Variants in EXOC4 observed in about 807,000 individuals in gnomAD.
EXOC4 encodes the protein exocyst complex component 4, also known as SEC8-like 1.
A neutral mutation model predicts 107.2 loss-of-function variants in EXOC4; 71 were observed. The ratio of observed to expected loss-of-function variants is 0.66; its 90% confidence interval spans 0.55 to 0.81. The LOEUF (loss-of-function observed/expected upper bound fraction) is 0.81. Ranked by LOEUF, EXOC4 falls within the 30% of genes least tolerant of loss-of-function variation. The pLI, the probability that EXOC4 is intolerant of heterozygous loss-of-function variation, is 0.00. For missense variants in EXOC4, 1,108 were observed against 1,189.6 expected, an observed-to-expected ratio of 0.93 and a Z score of 1.01; for synonymous variants, 456 against 441.2, an observed-to-expected ratio of 1.03 and a Z score of -0.42.
chr7:134,059,275 G>C (rs1336361004), intron 17 of EXOC4, among the ~76,000 whole-genome samples: 2 of 152,176 alleles, frequency 1.3e-5, no homozygotes, highest in Non-Finnish European at 2.9e-5. Flanking sequence ...CACTTTCAGA[G>C]ATGCAGTACT....
chr7:133,445,555 A>G (rs1798199065), intron 7 of EXOC4, among the ~76,000 whole-genome samples: 1 of 152,178 alleles, frequency 6.6e-6, no homozygotes, highest in South Asian at 2.1e-4. Flanking sequence ...GGGAAGTTAC[A>G]AAATAAAATA....
chr7:133,341,008 TTTG>T (rs1195763466), intron 5 of EXOC4, among the ~76,000 whole-genome samples: 2 of 152,130 alleles, frequency 1.3e-5, no homozygotes, highest in African/African-American at 2.4e-5. Flanking sequence ...TTTATTTATT[TTTG>T]TTGTTGTTTG....
chr7:133,859,306 T>C (rs1314513510), intron 11 of EXOC4, among the ~76,000 whole-genome samples: 1 of 152,172 alleles, frequency 6.6e-6, no homozygotes, highest in East Asian at 1.9e-4. Context: ...CTCTTCCCAC[T>C]ACCTCACCCA....
At chr7:133,696,920 A>G (rs1288870472) in intron 10 of EXOC4, among the ~76,000 whole-genome samples, 2 of 152,190 alleles carry the variant, frequency 1.3e-5, no homozygotes, top group East Asian at 1.9e-4. Flanking sequence ...CAATTAGTCA[A>G]TCATGTGCAA....
chr7:134,012,490 C>T (rs1794793822), intron 17 of EXOC4, among the ~76,000 whole-genome samples: 1 of 152,150 alleles, frequency 6.6e-6, no homozygotes, highest in African/African-American at 2.4e-5. Context: ...TTTTTATTTA[C>T]TGTAATGAAA....
chr7:133,917,010 C>T (rs188688903), intron 12 of EXOC4, among the ~76,000 whole-genome samples: 2 of 152,244 alleles, frequency 1.3e-5, no homozygotes, highest in African/African-American at 4.8e-5. Context: ...AGTCAGAGCC[C>T]ACTGGAGATG....
chr7:134,004,952 G>T lies in EXOC4; in HGVS notation c.2389G>T (p.Gly797Trp). 6.2e-7 allele frequency: 1 copy of T among 1,613,416 alleles called. No homozygotes were observed. The highest frequency in any genetic ancestry group is 8.5e-7 in the Non-Finnish European group (1 of 1,179,548). The change falls in exon 16 of 18, where the codon GGG becomes TGG. Residue 797 changes from glycine (G) to tryptophan (W), a missense_variant. Coordinates refer to ENST00000253861, the MANE Select transcript of EXOC4 (RefSeq NM_021807.4). ...FHYLIPLAKEGNYAIVANVES... is the reference protein window; with the variant it reads ...FHYLIPLAKEWNYAIVANVES... ...CTATCTTATCCCTCTTGCAAAGGAG[G>T]GGAACTATGCCATTGTGGCTAATGT...
chr7:133,953,003 A>G (rs1800728137), intron 14 of EXOC4, among the ~76,000 whole-genome samples: 1 of 152,324 alleles, frequency 6.6e-6, no homozygotes, highest in Middle Eastern at 3.4e-3. Context: ...TCATTTGGGT[A>G]TATACCCAGA....
At chr7:133,517,746 A>G (rs898591731) in intron 9 of EXOC4, among the ~76,000 whole-genome samples, 3 of 152,178 alleles carry the variant, frequency 2.0e-5, no homozygotes, top group Admixed American at 1.3e-4. Context: ...TAAGGGAGCT[A>G]CAAGTCAAGG....
intron 12 of EXOC4, among the ~76,000 whole-genome samples, chr7:133,899,011 TA>T (rs2116541340): frequency 6.6e-6 from 1 of 151,512 alleles, no homozygotes; most frequent in African/African-American, 2.4e-5. Context: ...ACTTAAATAT[TA>T]AAAAGTTTAA....
chr7:133,794,305 C>T (rs759243976), intron 10 of EXOC4, among the ~76,000 whole-genome samples: 4 of 152,124 alleles, frequency 2.6e-5, no homozygotes, highest in East Asian at 1.9e-4. Flanking sequence ...TTCATCTTTA[C>T]GGTCTAGATG....
chr7:133,648,055 T>A (rs1170384611), intron 10 of EXOC4, among the ~76,000 whole-genome samples: 2 of 152,206 alleles, frequency 1.3e-5, no homozygotes, highest in African/African-American at 4.8e-5. Flanking sequence ...CATTATGTAT[T>A]TAATGGGCTA....
chr7:133,920,233 G>C (rs112652212), intron 13 of EXOC4, among the ~76,000 whole-genome samples: 231 of 152,262 alleles, frequency 1.5e-3, no homozygotes, highest in African/African-American at 5.5e-3. Flanking sequence ...TGGGTTATGG[G>C]TGTTCTTGTT....
chr7:133,609,256 G>C (rs1299952672), intron 9 of EXOC4, among the ~76,000 whole-genome samples: 1 of 152,196 alleles, frequency 6.6e-6, no homozygotes, highest in Non-Finnish European at 1.5e-5. Context: ...CAGTATGACA[G>C]TACAGAACTT....
intron 11 of EXOC4, among the ~76,000 whole-genome samples, chr7:133,870,202 G>A (rs1473401366): frequency 6.6e-6 from 1 of 152,054 alleles, no homozygotes; most frequent in African/African-American, 2.4e-5. Context: ...AAAGAAAAAG[G>A]CAGCAGGTTT....
intron 11 of EXOC4, among the ~76,000 whole-genome samples, chr7:133,843,781 T>A (rs183760959): frequency 6.6e-5 from 10 of 152,316 alleles, no homozygotes; most frequent in African/African-American, 2.2e-4. Flanking sequence ...TCATTCAGTA[T>A]GATGTTGGCT....
intron 9 of EXOC4, among the ~76,000 whole-genome samples, chr7:133,496,730 C>T (rs1359924412): frequency 1.3e-5 from 2 of 152,046 alleles, no homozygotes; most frequent in Non-Finnish European, 2.9e-5. Flanking sequence ...AGGCAGAATT[C>T]TAGAATGACC....
At chr7:133,412,200 A>C (rs990710685) in intron 7 of EXOC4, among the ~76,000 whole-genome samples, 15 of 151,028 alleles carry the variant, frequency 9.9e-5, no homozygotes, top group South Asian at 2.1e-4. Flanking sequence ...GTATTGGGCA[A>C]TCTAAATTTA....
At chr7:133,693,014 G>C (rs1794454097) in intron 10 of EXOC4, among the ~76,000 whole-genome samples, 1 of 152,140 alleles carries the variant, frequency 6.6e-6, no homozygotes, top group Non-Finnish European at 1.5e-5. Context: ...CATGCCCCTT[G>C]TATTAGGGTT....
Sources: allele counts gnomAD v4.1 joint callset (sites outside exome capture counted in the v4.1 genomes callset), GRCh38; gene constraint gnomAD v4.1.1; transcripts MANE v1.5; gene names NCBI Gene and HGNC (gene_info 2026-07-23, HGNC 2026-07-21).